The following TENM3 variants were observed in gnomAD, a reference collection of about 807,000 sequenced individuals.
TENM3 encodes the protein teneurin transmembrane protein 3.
A neutral mutation model predicts 255.1 loss-of-function variants in TENM3; 63 were observed. That is an observed-to-expected ratio of 0.25 (90% confidence interval 0.20 to 0.30). TENM3 has a LOEUF of 0.30. Ranked by LOEUF, TENM3 falls within the 10% of genes least tolerant of loss-of-function variation. The pLI, the probability that TENM3 is intolerant of heterozygous loss-of-function variation, is 1.00. For synonymous variants in TENM3, 1,306 were observed against 1,322.3 expected (o/e 0.99, Z 0.27); for missense variants, 2,929 against 3,461.1 (o/e 0.85, Z 3.86).
chr4:182,729,040 T>A lies in TENM3; in HGVS notation c.2444T>A (p.Leu815Gln). The A allele has an allele frequency of 6.2e-7, 1 of 1,614,030 alleles. No homozygotes were observed. The highest frequency in any genetic ancestry group is 8.5e-7 in the Non-Finnish European group (1 of 1,179,898). The change falls in exon 14 of 28, where the codon CTG becomes CAG. Residue 815 changes from leucine (L) to glutamine (Q), a missense_variant. Physicochemically the swap from Leu to Gln is moderately radical, Grantham distance 113. Transcript: ENST00000511685. ...CAGAATCAGCCCTATTGTCGGGGAC[T>A]GCCGGATCCTCAGGACATCATTAGC... ...SCQNQPYCRG[L>Q]PDPQDIISQS...
intron 13 of TENM3, among the ~76,000 whole-genome samples, chr4:182,726,896 A>G (rs1579254088): frequency 2.0e-5 from 3 of 152,164 alleles, no homozygotes; most frequent in East Asian, 3.9e-4. Flanking sequence ...CTAACATTCT[A>G]TTAATAAGAA....
intron 3 of TENM3, among the ~76,000 whole-genome samples, chr4:182,418,759 C>T (rs1224646149): frequency 2.0e-5 from 3 of 152,044 alleles, no homozygotes; most frequent in African/African-American, 4.8e-5. Context: ...GACAGTGTTT[C>T]GCCATGTTGC....
Position 182,590,538 on chromosome 4 carries a change from C to CAAAAAAAAAAAAAAAAAA in TENM3, c.512-10380_512-10363dup, listed in dbSNP as rs34681777. ...CCAGCAATAGAGCGAGACCCTGTCTCAAAAAAAAAAAAAAAAAAAAAAAGA... is the reference window on the plus strand; with the variant it reads ...CCAGCAATAGAGCGAGACCCTGTCTCAAAAAAAAAAAAAAAAAAAAAAAAAAAAAAAAAAAAAAAAAGA... On this transcript the variant is annotated intron_variant, in intron 3 of 27. Transcript: ENST00000511685. Among the ~76,000 whole-genome samples the CAAAAAAAAAAAAAAAAAA allele has an allele frequency of 1.6e-4, 13 of 79,986 alleles. 1 individual carries two copies. The highest frequency in any genetic ancestry group is 2.2e-4 in the Non-Finnish European group (10 of 44,596). The allele number at this position is 79,986 out of a possible 152,430, so 52.5% of individuals were successfully genotyped here. A position where few individuals can be genotyped will look rare whatever the true frequency, so the allele number is the denominator to read the frequency against.
the TENM3 span, among the ~76,000 whole-genome samples, chr4:181,603,483 C>T: frequency 2.0e-5 from 3 of 152,128 alleles, no homozygotes; most frequent in Non-Finnish European, 4.4e-5. Flanking sequence ...ACAATACCAT[C>T]GGCACTTTCC....
the TENM3 span, among the ~76,000 whole-genome samples, chr4:181,985,725 G>A: frequency 1.3e-5 from 2 of 152,028 alleles, no homozygotes; most frequent in Non-Finnish European, 2.9e-5. Context: ...CAAAATGTGG[G>A]GTTTTTTCCC....
At chr4:181,863,102 G>A in the TENM3 span, among the ~76,000 whole-genome samples, 64 of 152,130 alleles carry the variant, frequency 4.2e-4, no homozygotes, top group African/African-American at 1.4e-3. Context: ...ACTTTTATAA[G>A]TGCTACCTTA....
the TENM3 span, among the ~76,000 whole-genome samples, chr4:181,947,998 A>AG: frequency 2.6e-5 from 4 of 152,182 alleles, no homozygotes; most frequent in East Asian, 7.7e-4. Flanking sequence ...AAGTTTGGGA[A>AG]GGGGAAAAAA....
rs551299127 is a variant in TENM3, at chr4:182,298,942, C to A, written c.-75-25004C>A. Among the ~76,000 whole-genome samples the A allele has an allele frequency of 6.3e-5, 8 of 127,032 alleles. No homozygotes were observed. The South Asian group carries it at 1.6e-3, about 25-fold the overall frequency. The allele number at this position is 127,032 out of a possible 152,430, so 83.3% of individuals were successfully genotyped here. On this transcript the variant is annotated intron_variant, in intron 1 of 27. Coordinates refer to ENST00000511685, the MANE Select transcript of TENM3 (RefSeq NM_001080477.4). ...GAGGTTGCAGTGAGCTGAGATCACA[C>A]CACTGCATTCCAGGCTTGGGCAACA...
intron 3 of TENM3, among the ~76,000 whole-genome samples, chr4:182,388,304 C>G (rs982224727): frequency 1.3e-5 from 2 of 152,114 alleles, no homozygotes; most frequent in African/African-American, 4.8e-5. Flanking sequence ...CTTCAGCCTG[C>G]TTCTATTATG....
chr4:182,011,410 T>A, the TENM3 span, among the ~76,000 whole-genome samples: 1 of 152,138 alleles, frequency 6.6e-6, no homozygotes, highest in Non-Finnish European at 1.5e-5. Flanking sequence ...CATTTCTCCC[T>A]GTATCTCACC....
At chr4:182,231,448 G>A (rs1300123589) in intron 1 of TENM3, among the ~76,000 whole-genome samples, 2 of 152,132 alleles carry the variant, frequency 1.3e-5, no homozygotes, top group African/African-American at 4.8e-5. Context: ...TATAAATATG[G>A]GCCAGCCAGC....
the TENM3 span, among the ~76,000 whole-genome samples, chr4:181,603,923 T>C: frequency 1.3e-5 from 2 of 152,204 alleles, no homozygotes; most frequent in South Asian, 2.1e-4. Flanking sequence ...ATCATAGCTA[T>C]GTAATAAAAT....
In TENM3 at chr4:182,744,778, C is replaced by A. The variant is rs543210272; in HGVS notation, c.3629+1359C>A. Among the ~76,000 whole-genome samples the A allele has an allele frequency of 1.2e-3, 184 of 152,026 alleles. 1 individual carries two copies. The highest frequency in any genetic ancestry group is 4.2e-3 in the African/African-American group (175 of 41,446). On this transcript the variant is annotated intron_variant, in intron 19 of 27. Coordinates refer to ENST00000511685, the MANE Select transcript of TENM3 (RefSeq NM_001080477.4). Reference sequence around the variant, plus strand: ...ATTTAAGAAGTAATGTTTTCATTGCCATTATTATGGAGGAAATGACTTTCT... The same window carrying A: ...ATTTAAGAAGTAATGTTTTCATTGCAATTATTATGGAGGAAATGACTTTCT...
At chr4:182,402,041 A>G (rs1769246020) in intron 3 of TENM3, among the ~76,000 whole-genome samples, 1 of 152,232 alleles carries the variant, frequency 6.6e-6, no homozygotes, top group Non-Finnish European at 1.5e-5. Context: ...GTCAGAGGTC[A>G]TAAGTGGAAG....
chr4:181,956,760 A>G, the TENM3 span, among the ~76,000 whole-genome samples: 4 of 152,260 alleles, frequency 2.6e-5, no homozygotes, highest in Admixed American at 6.5e-5. Context: ...GCTACGCTAC[A>G]TAATAGATTT....
At chr4:182,615,016 G>A (rs1466084935) in intron 4 of TENM3, among the ~76,000 whole-genome samples, 10 of 124,780 alleles carry the variant, frequency 8.0e-5, no homozygotes, top group African/African-American at 2.6e-4. Flanking sequence ...TAGGGAAAAG[G>A]CATGTTTCTC....
At chr4:182,655,913 CATTTT>C (rs1753706021) in intron 6 of TENM3, among the ~76,000 whole-genome samples, 1 of 152,094 alleles carries the variant, frequency 6.6e-6, no homozygotes, top group Non-Finnish European at 1.5e-5. Context: ...TGGGATTTTC[CATTTT>C]ATTTTATTGT....
chr4:181,498,644 G>A, the TENM3 span, among the ~76,000 whole-genome samples: 1 of 152,160 alleles, frequency 6.6e-6, no homozygotes, highest in Non-Finnish European at 1.5e-5. Context: ...CGTCTAATAG[G>A]ATGCAGTTAC....
chr4:181,485,549 CA>C, the TENM3 span, among the ~76,000 whole-genome samples: 23 of 151,606 alleles, frequency 1.5e-4, no homozygotes, highest in Admixed American at 8.5e-4. Context: ...TCTTTGATGG[CA>C]AAAAAACAGA....
Sources: allele counts gnomAD v4.1 joint callset (sites outside exome capture counted in the v4.1 genomes callset), GRCh38; gene constraint gnomAD v4.1.1; transcripts MANE v1.5; gene names NCBI Gene and HGNC (gene_info 2026-07-23, HGNC 2026-07-21).